Variants in ADGRA1 observed in about 807,000 individuals in gnomAD.
ADGRA1 encodes G-protein coupled receptor 123.
In ADGRA1, 12 loss-of-function variants were observed where a neutral mutation model predicts 21.3. The ratio of observed to expected loss-of-function variants is 0.56; its 90% CI spans 0.36 to 0.91. The LOEUF is 0.91. ADGRA1 is among the 40% of genes least tolerant of loss of function. The probability of loss-of-function intolerance (pLI) is 0.01; values close to 1 mark genes in which losing one functional copy is unlikely to be tolerated. For synonymous variants in ADGRA1, 385 were observed against 368.8 expected, an observed-to-expected ratio of 1.04 and a Z score of -0.50; for missense variants, 790 against 805.6, an observed-to-expected ratio of 0.98 and a Z score of 0.23.
In ADGRA1 at chr10:133,111,046, C is replaced by A. The variant is rs186769395; in HGVS notation, c.401+8204C>A. 2.0e-4 allele frequency among the ~76,000 whole-genome samples: 31 copies of A among 152,192 alleles called. No homozygotes were observed. The East Asian group carries it at 6.0e-3, about 29-fold the overall frequency. Reference sequence around the variant, plus strand: ...TGGGTAGGCTGGGCCACCTGCCCACCAGGGACACCTGCCCTCCTAATCCTG... The same window carrying A: ...TGGGTAGGCTGGGCCACCTGCCCACAAGGGACACCTGCCCTCCTAATCCTG... On this transcript the variant is annotated intron_variant, in intron 5 of 6. Transcript: ENST00000392607.
rs535380388 is a variant in ADGRA1 at position 133,112,583 on chromosome 10, G to A, written c.401+9741G>A. The stretch of plus-strand genomic sequence containing the variant: ...GCCGCATCGGTTATTTGAGGTCTGC[G>A]GGCCGTGTCGGTTATTTGGAGTCTA... On this transcript the variant is annotated intron_variant, in intron 5 of 6. Transcript: ENST00000392607. Among the ~76,000 whole-genome samples the A allele has an allele frequency of 1.1e-3, 157 of 146,868 alleles. 3 individuals carry two copies. Among genetic ancestry groups the A allele is most frequent in the African/African-American group, 3.6e-3 (143 of 39,466 alleles).
chr10:133,093,979 A>T (rs1472212931), intron 2 of ADGRA1, among the ~76,000 whole-genome samples: 1 of 152,290 alleles, frequency 6.6e-6, no homozygotes, highest in Non-Finnish European at 1.5e-5. Flanking sequence ...AAAGAAAAGA[A>T]ACCAAACCAA....
chr10:133,095,881 T>C, intron 2 of ADGRA1: 1 of 1,421,016 alleles, frequency 7.0e-7, no homozygotes. Context: ...GCCGGCTGCC[T>C]CCTCCTGCCC....
rs567999106 is a variant in ADGRA1, at chr10:133,119,985, G to A, written c.402-7248G>A. Among the ~76,000 whole-genome samples, 9 of 152,330 alleles carry A rather than the reference G, an allele frequency of 5.9e-5. No individual in the cohort carries two copies. The East Asian group carries it at 1.5e-3, about 26-fold the overall frequency. ...GCTTCAACTCAAAGTTCCTGGCTCC[G>A]TTAGCCCCTAGCAAGAGAGTCAGCC... On this transcript the variant is annotated intron_variant, in intron 5 of 6. Transcript: ENST00000392607.
intron 5 of ADGRA1, among the ~76,000 whole-genome samples, chr10:133,122,578 A>G (rs1300975690): frequency 6.6e-6 from 1 of 152,166 alleles, no homozygotes; most frequent in African/African-American, 2.4e-5. Context: ...AATACTTTCT[A>G]GATTTAATCA....
intron 5 of ADGRA1, among the ~76,000 whole-genome samples, chr10:133,119,543 C>T (rs573252188): frequency 6.6e-5 from 10 of 152,328 alleles, no homozygotes; most frequent in African/African-American, 9.6e-5. Flanking sequence ...AACTCTGCCA[C>T]GGCTTGGTCA....
intron 1 of ADGRA1, 21 bp from the exon 2 acceptor site, chr10:133,088,687 T>C: frequency 8.2e-7 from 1 of 1,223,696 alleles, no homozygotes; most frequent in South Asian, 4.3e-5. Flanking sequence ...CCCGCCCCGC[T>C]GACCGCCGCT....
chr10:133,090,098 G>GA (rs1233860341), intron 2 of ADGRA1, among the ~76,000 whole-genome samples: 3 of 152,260 alleles, frequency 2.0e-5, no homozygotes, highest in Non-Finnish European at 4.4e-5. Context: ...AGAGGACAGT[G>GA]AACGGAGAAG....
At chr10:133,088,317 C>G (rs568383791) in intron 1 of ADGRA1, 179 bp downstream of exon 1, 3 of 179,674 alleles carry the variant, frequency 1.7e-5, no homozygotes, top group African/African-American at 7.2e-5. Flanking sequence ...GCGCCCGGCC[C>G]GGAGCTCGAG....
intron 4 of ADGRA1, chr10:133,102,302 G>A (rs770216180): frequency 1.9e-4 from 97 of 506,168 alleles, no homozygotes; most frequent in South Asian, 1.3e-3. Context: ...CCCCACTGAG[G>A]ACTTCACCTC....
chr10:133,099,000 C>T (rs1003317849), intron 4 of ADGRA1, among the ~76,000 whole-genome samples: 3 of 152,240 alleles, frequency 2.0e-5, no homozygotes, highest in African/African-American at 7.2e-5. Flanking sequence ...ACTTACTGTC[C>T]CCAAAAGGTG....
chr10:133,094,499 G>A (rs898200735), intron 2 of ADGRA1, among the ~76,000 whole-genome samples: 3 of 152,132 alleles, frequency 2.0e-5, no homozygotes, highest in Non-Finnish European at 2.9e-5. Context: ...AGGAAGGCGC[G>A]GCGGCCACAG....
In ADGRA1 at chr10:133,089,527, T is replaced by C. The variant is rs998124675; in HGVS notation, c.3+615T>C. On this transcript the variant is annotated intron_variant, in intron 2 of 6. Transcript: ENST00000392607. ...ACCAGCAAGCTTTTGCTGCAGTTGC[T>C]GAATGTCTGGGTTCCGGAAGGGCTG... 2.6e-5 allele frequency among the ~76,000 whole-genome samples: 4 copies of C among 152,300 alleles called. 1 individual carries two copies. In the South Asian group the frequency reaches 8.3e-4, roughly 32 times the overall value.
intron 5 of ADGRA1, among the ~76,000 whole-genome samples, chr10:133,125,581 G>A (rs1448102472): frequency 6.6e-6 from 1 of 151,600 alleles, no homozygotes; most frequent in African/African-American, 2.4e-5. Context: ...CCGCCACCAC[G>A]CCCGGCTAAT....
At position 133,129,257 on chromosome 10, in the gene ADGRA1, C is replaced by T; in HGVS notation, c.1429C>T (p.Pro477Ser). 6.5e-7 allele frequency: 1 copy of T among 1,549,826 alleles called. No homozygotes were observed. Among genetic ancestry groups the T allele is most frequent in the Non-Finnish European group, 8.7e-7 (1 of 1,146,998 alleles). Residue 477 changes from proline to serine, a missense_variant, in exon 7 of 7, where the codon CCC (proline) becomes TCC (serine). By Grantham distance (74) the Pro-to-Ser change is moderately conservative. Transcript: ENST00000392607. ...GCTGGCCTGCTGCACCCAGGGCGACCCCTTCCCCATGGTCACCCAGCCCGA... is the reference window on the plus strand; with the variant it reads ...GCTGGCCTGCTGCACCCAGGGCGACTCCTTCCCCATGGTCACCCAGCCCGA... ...HTLACCTQGD[P>S]FPMVTQPEGS...
chr10:133,088,944 T>TG lies in ADGRA1; in HGVS notation c.3+37dup, dbSNP rs145811832. ...ACGGGGGTCCCGGGGGTCCTGCAGC[T>TG]GGGGGCTAGGCCGCTGCGGGGGGGC... On this transcript the variant is annotated intron_variant, in intron 2 of 6. Coordinates refer to ENST00000392607, the MANE Select transcript of ADGRA1 (RefSeq NM_001083909.3). 4,689 of 1,240,224 alleles carry TG rather than the reference T, an allele frequency of 3.8e-3. 23 individuals are homozygous for TG. Among genetic ancestry groups the TG allele is most frequent in the African/African-American group, 0.022 (1,436 of 64,920 alleles). The allele number at this position is 1,240,224 out of a possible 1,614,324, so 76.8% of individuals were successfully genotyped here.
At chr10:133,098,899 C>T (rs908322260) in intron 4 of ADGRA1, 136 bp downstream of exon 4, 12 of 1,204,912 alleles carry the variant, frequency 1.0e-5, no homozygotes, top group Middle Eastern at 2.0e-4. Flanking sequence ...ATCGGTGTCT[C>T]GGCTTCACGC....
rs757287549 is a variant in ADGRA1 at position 133,093,185 on chromosome 10, G to A, written c.4-3789G>A. ...CCCCGGACACCTCACCCGCAGGGAG[G>A]AAGATTCCTTCAGGCAGCTGGCATT... On this transcript the variant is annotated intron_variant, in intron 2 of 6. Coordinates refer to ENST00000392607, the MANE Select transcript of ADGRA1 (RefSeq NM_001083909.3). 7 of 1,595,144 alleles carry A rather than the reference G, an allele frequency of 4.4e-6. No homozygotes were observed. In the South Asian group the frequency reaches 7.8e-5, roughly 18 times the overall value.
chr10:133,097,079 G>T lies in ADGRA1; in HGVS notation c.109G>T (p.Val37Phe). ...GCTGCTCTGCCTCCTGGCCTCCTTC[G>T]TCACCTACATCGTGCACCAGAGGTG... is the stretch of plus-strand genomic sequence containing the variant. Reference protein sequence around the residue: ...VMLLCLLASFVTYIVHQSAIR... With the variant: ...VMLLCLLASFFTYIVHQSAIR... Residue 37 changes from valine to phenylalanine, a missense_variant, in exon 3 of 7, where the codon GTC becomes TTC. Physicochemically the swap from Val to Phe is conservative, Grantham distance 50. Transcript: ENST00000392607. 2 of 1,607,158 alleles carry T rather than the reference G, an allele frequency of 1.2e-6. No individual in the cohort carries two copies. Among genetic ancestry groups the T allele is most frequent in the Non-Finnish European group, 1.7e-6 (2 of 1,179,974 alleles).
Sources: allele counts gnomAD v4.1 joint callset (sites outside exome capture counted in the v4.1 genomes callset), GRCh38; gene constraint gnomAD v4.1.1; transcripts MANE v1.5; gene names NCBI Gene and HGNC (gene_info 2026-07-23, HGNC 2026-07-21).